The following DCDC2 variants were observed in gnomAD, a reference collection of about 807,000 sequenced individuals.
DCDC2 encodes the protein doublecortin domain containing 2.
Under a neutral mutation model 50.2 loss-of-function variants are expected in DCDC2, and 40 were observed. That is an observed-to-expected ratio of 0.80 (90% CI 0.62 to 1.04). The LOEUF (loss-of-function observed/expected upper bound fraction) is 1.04. Among genes scored for constraint, DCDC2 ranks in the 50% least tolerant of loss-of-function variants. DCDC2 has a pLI of 0.00. For missense variants in DCDC2, 570 were observed against 581.9 expected, an observed-to-expected ratio of 0.98 and a Z score of 0.21; for synonymous variants, 234 against 210.6, an observed-to-expected ratio of 1.11 and a Z score of -0.96.
At chr6:24,264,635 AAAAAAAC>A (rs1455074507) in intron 7 of DCDC2, among the ~76,000 whole-genome samples, 1 of 152,040 alleles carries the variant, frequency 6.6e-6, no homozygotes, top group East Asian at 1.9e-4. Flanking sequence ...ACAGATATAC[AAAAAAAC>A]AAAAAGCAAT....
intron 6 of DCDC2, among the ~76,000 whole-genome samples, chr6:24,284,500 T>C (rs1763549899): frequency 6.6e-6 from 1 of 150,932 alleles, no homozygotes. Context: ...TAATCCCAGC[T>C]ACTCGGGAGG....
chr6:24,220,873 AGAGCGAGAGCGAGAGAGTGAGCGAGC>A (rs1360104781), intron 7 of DCDC2, among the ~76,000 whole-genome samples: 25 of 143,738 alleles, frequency 1.7e-4, no homozygotes, highest in South Asian at 7.2e-4. Context: ...AGAGAGCAAG[AGAGCGAGAGCGAGAGAGTGAGCGAGC>A]GAGCGAGAGA....
intron 8 of DCDC2, among the ~76,000 whole-genome samples, chr6:24,181,033 A>T (rs1761060343): frequency 6.6e-6 from 1 of 152,222 alleles, no homozygotes; most frequent in South Asian, 2.1e-4. Context: ...AAAAAACCAC[A>T]ATGTTTGTCA....
At chr6:24,314,856 T>C (rs1046332499) in intron 2 of DCDC2, among the ~76,000 whole-genome samples, 1 of 152,184 alleles carries the variant, frequency 6.6e-6, no homozygotes, top group African/African-American at 2.4e-5. Flanking sequence ...ATGATGCTGC[T>C]AACTTGCATT....
Position 24,357,819 on chromosome 6 carries a change from TCACCGCACCCAGGGCGC to T in DCDC2, c.-86_-70del. On this transcript the variant is annotated 5_prime_UTR_variant, in exon 1 of 10. Coordinates refer to ENST00000378454, the MANE Select transcript of DCDC2 (RefSeq NM_016356.5). Reference sequence around the variant, plus strand: ...AGGCACCTCCGCTGTCCCAGCGGCCTCACCGCACCCAGGGCGCGGGATCGCCTCCTGAAACGAACGAG... The same window carrying T: ...AGGCACCTCCGCTGTCCCAGCGGCCTGGGATCGCCTCCTGAAACGAACGAG... The T allele has an allele frequency of 6.2e-7, 1 of 1,605,008 alleles. No individual in the cohort carries two copies.
At chr6:24,354,227 A>G (rs1760425137) in intron 1 of DCDC2, among the ~76,000 whole-genome samples, 1 of 152,200 alleles carries the variant, frequency 6.6e-6, no homozygotes, top group African/African-American at 2.4e-5. Context: ...TAGCTGTTAC[A>G]TAAGCACAAC....
At chr6:24,348,959 C>CTA (rs2127253033) in intron 2 of DCDC2, among the ~76,000 whole-genome samples, 1 of 152,328 alleles carries the variant, frequency 6.6e-6, no homozygotes, top group South Asian at 2.1e-4. Context: ...CTTCCCCTCT[C>CTA]TATATAACAT....
chr6:24,245,004 G>A (rs1390717795), intron 7 of DCDC2, among the ~76,000 whole-genome samples: 1 of 152,122 alleles, frequency 6.6e-6, no homozygotes, highest in Non-Finnish European at 1.5e-5. Flanking sequence ...AGACCAGCCT[G>A]ACCAACATGG....
chr6:24,172,923 T>C lies in DCDC2; in HGVS notation c.*1807A>G, dbSNP rs927876783. 2 of 151,472 alleles carry C rather than the reference T, an allele frequency of 1.3e-5. No individual in the cohort carries two copies. Among genetic ancestry groups the C allele is most frequent in the East Asian group, 1.9e-4 (1 of 5,156 alleles). 9.4% of individuals were successfully genotyped at this position (151,472 alleles called of 1,614,324 possible). ...GGTGCTTGAACCCAGGAGGCAGAGG[T>C]TGCAGTAAGCCAAGATCATGCCACT... On this transcript the variant is annotated 3_prime_UTR_variant, in exon 10 of 10. Coordinates refer to ENST00000378454, the MANE Select transcript of DCDC2 (RefSeq NM_016356.5).
intron 7 of DCDC2, among the ~76,000 whole-genome samples, chr6:24,215,023 C>CG (rs976324856): frequency 2.6e-5 from 4 of 152,030 alleles, no homozygotes; most frequent in African/African-American, 9.7e-5. Flanking sequence ...TATTATCTAC[C>CG]GGGGGGTCAC....
intron 7 of DCDC2, among the ~76,000 whole-genome samples, chr6:24,259,494 C>T (rs764467375): frequency 2.0e-5 from 3 of 152,038 alleles, no homozygotes; most frequent in East Asian, 1.9e-4. Flanking sequence ...TAAACTAGCA[C>T]GGAAACATCA....
At chr6:24,299,863 G>C (rs1385461259) in intron 4 of DCDC2, among the ~76,000 whole-genome samples, 1 of 151,764 alleles carries the variant, frequency 6.6e-6, no homozygotes, top group African/African-American at 2.4e-5. Flanking sequence ...AGGTTGCAGT[G>C]AGCCAAGATC....
chr6:24,242,325 G>A (rs531640358), intron 7 of DCDC2, among the ~76,000 whole-genome samples: 8 of 152,156 alleles, frequency 5.3e-5, no homozygotes, highest in South Asian at 2.1e-4. Context: ...TGATAGCCTC[G>A]TGTTATTTCA....
At chr6:24,196,302 TC>T in intron 8 of DCDC2, among the ~76,000 whole-genome samples, 1 of 152,256 alleles carries the variant, frequency 6.6e-6, no homozygotes, top group East Asian at 1.9e-4. Flanking sequence ...AAGTCCCATT[TC>T]CTCTAATTAA....
intron 7 of DCDC2, among the ~76,000 whole-genome samples, chr6:24,276,496 C>T (rs1267166451): frequency 6.6e-6 from 1 of 151,708 alleles, no homozygotes; most frequent in East Asian, 1.9e-4. Context: ...TATTTTTAAA[C>T]TTCCATCATT....
At chr6:24,264,870 A>C (rs952248917) in intron 7 of DCDC2, among the ~76,000 whole-genome samples, 9 of 152,150 alleles carry the variant, frequency 5.9e-5, no homozygotes, top group Admixed American at 3.9e-4. Flanking sequence ...TGTTACCTAC[A>C]AGAAACACAC....
chr6:24,371,198 A>G, the DCDC2 span, among the ~76,000 whole-genome samples: 149 of 149,078 alleles, frequency 1.0e-3, 1 homozygote, highest in Non-Finnish European at 1.9e-3. Flanking sequence ...AATCGTGTGA[A>G]CCCAGGAGGC....
rs534583758 is a variant in DCDC2 at position 24,204,122 on chromosome 6, C to T, written c.1023+880G>A. 2.0e-5 allele frequency among the ~76,000 whole-genome samples: 3 copies of T among 152,188 alleles called. No individual in the cohort carries two copies. In the South Asian group the frequency reaches 6.2e-4, roughly 32 times the overall value. Reference sequence around the variant, plus strand: ...GAGCCAGAAATACCCTTTGACCCAGCAATCTCATTACTGGGTATATACCTG... The same window carrying T: ...GAGCCAGAAATACCCTTTGACCCAGTAATCTCATTACTGGGTATATACCTG... On this transcript the variant is annotated intron_variant, in intron 8 of 9. Coordinates refer to ENST00000378454, the MANE Select transcript of DCDC2 (RefSeq NM_016356.5).
intron 6 of DCDC2, among the ~76,000 whole-genome samples, chr6:24,285,737 T>A (rs1047318820): frequency 6.6e-6 from 1 of 152,192 alleles, no homozygotes; most frequent in Non-Finnish European, 1.5e-5. Flanking sequence ...TTAATTAAAA[T>A]TTTAGTTTTT....
Sources: allele counts gnomAD v4.1 joint callset (sites outside exome capture counted in the v4.1 genomes callset), GRCh38; gene constraint gnomAD v4.1.1; transcripts MANE v1.5; gene names NCBI Gene and HGNC (gene_info 2026-07-23, HGNC 2026-07-21).